MAGI2: variants seen among roughly 807,000 people sequenced by gnomAD.
MAGI2 encodes the protein membrane-associated guanylate kinase, WW and PDZ domain-containing protein 2.
A neutral mutation model predicts 133.3 loss-of-function variants in MAGI2; 35 were observed. That is an observed-to-expected ratio of 0.26 (90% CI 0.20 to 0.35). MAGI2 has a LOEUF of 0.35. Ranked by LOEUF, MAGI2 falls within the 10% of genes least tolerant of loss-of-function variation. The pLI, the probability that MAGI2 is intolerant of heterozygous loss-of-function variation, is 1.00. For synonymous variants in MAGI2, 729 were observed against 710.6 expected (o/e 1.03, Z -0.41); for missense variants, 1,636 against 1,863.4 (o/e 0.88, Z 2.25).
chr7:78,743,700 G>A (rs1480167282), intron 2 of MAGI2, among the ~76,000 whole-genome samples: 2 of 152,176 alleles, frequency 1.3e-5, no homozygotes, highest in Non-Finnish European at 2.9e-5. Context: ...TACAGGCATG[G>A]TCATGCACCA....
chr7:78,884,343 G>C (rs1796105413), intron 2 of MAGI2, among the ~76,000 whole-genome samples: 1 of 152,058 alleles, frequency 6.6e-6, no homozygotes, highest in Admixed American at 6.6e-5. Flanking sequence ...AATTAGCCAA[G>C]TGTGCTGGCA....
In MAGI2 at chr7:79,009,421, A is replaced by G. The variant is rs571209054; in HGVS notation, c.302-2215T>C. ...GTCATAAATTATAACAAAATTTCAC[A>G]TACAATCCCCTTTGTTTTGGAAGGA... On this transcript the variant is annotated intron_variant, in intron 1 of 21. Coordinates refer to ENST00000354212, the MANE Select transcript of MAGI2 (RefSeq NM_012301.4). 3.9e-5 allele frequency among the ~76,000 whole-genome samples: 6 copies of G among 152,236 alleles called. No individual in the cohort carries two copies. The South Asian group carries it at 1.0e-3, about 26-fold the overall frequency.
At chr7:78,843,615 A>G (rs1161944306) in intron 2 of MAGI2, among the ~76,000 whole-genome samples, 5 of 151,896 alleles carry the variant, frequency 3.3e-5, no homozygotes, top group African/African-American at 1.2e-4. Context: ...GGAAAATGCT[A>G]TATGCAATTT....
At chr7:78,153,929 T>C (rs1256780079) in intron 16 of MAGI2, among the ~76,000 whole-genome samples, 1 of 152,204 alleles carries the variant, frequency 6.6e-6, no homozygotes, top group East Asian at 1.9e-4. Context: ...CAATGTTCTT[T>C]TCATTTAGCT....
chr7:78,089,877 C>T (rs1051487440), intron 20 of MAGI2, among the ~76,000 whole-genome samples: 6 of 152,142 alleles, frequency 3.9e-5, no homozygotes, highest in African/African-American at 1.4e-4. Context: ...CCTCAAACAC[C>T]TCCCCTCCTG....
intron 1 of MAGI2, among the ~76,000 whole-genome samples, chr7:79,055,084 A>T (rs1321533062): frequency 6.6e-6 from 1 of 152,116 alleles, no homozygotes; most frequent in East Asian, 1.9e-4. Context: ...GTGAGCCACC[A>T]TGTCCGGCCT....
chr7:78,019,781 G>T lies in MAGI2; in HGVS notation c.3902C>A (p.Ser1301Ter). 1 of 1,613,062 alleles carries T rather than the reference G, an allele frequency of 6.2e-7. No individual in the cohort carries two copies. The change falls in exon 22 of 22, where the codon TCA becomes TAA. Residue 1301 changes from serine to a stop codon, truncating the protein, a stop_gained. Coordinates refer to ENST00000354212, the MANE Select transcript of MAGI2 (RefSeq NM_012301.4). LOFTEE classifies it high-confidence loss of function. Reference protein sequence around the residue: ...EHDVRKPKELSACGQKKQRLG... With the variant: ...EHDVRKPKEL Reference sequence around the variant, plus strand: ...GCGCTGCTTCTTCTGGCCGCAGGCTGAAAGCTCCTTTGGTTTCCTAACGTC... The same window carrying T: ...GCGCTGCTTCTTCTGGCCGCAGGCTTAAAGCTCCTTTGGTTTCCTAACGTC...
intron 3 of MAGI2, among the ~76,000 whole-genome samples, chr7:78,573,053 A>ATATATG (rs1801700411): frequency 3.0e-5 from 3 of 100,330 alleles, no homozygotes; most frequent in Non-Finnish European, 5.8e-5. Flanking sequence ...ATATATATAT[A>ATATATG]TATATATATA....
intron 1 of MAGI2, among the ~76,000 whole-genome samples, chr7:79,349,380 C>T (rs1164492282): frequency 6.6e-6 from 1 of 151,900 alleles, no homozygotes; most frequent in African/African-American, 2.4e-5. Flanking sequence ...TAACCCTGGA[C>T]AAGTATTCTA....
intron 2 of MAGI2, among the ~76,000 whole-genome samples, chr7:78,877,708 T>G (rs1189281552): frequency 1.3e-5 from 2 of 152,134 alleles, no homozygotes. Flanking sequence ...ATTAAAAAGT[T>G]TTAAAATGTA....
At chr7:79,082,486 C>G (rs1416083054) in intron 1 of MAGI2, among the ~76,000 whole-genome samples, 3 of 151,936 alleles carry the variant, frequency 2.0e-5, no homozygotes, top group Non-Finnish European at 2.9e-5. Context: ...TATTCATTTC[C>G]CCATTGAATT....
At chr7:78,215,065 C>T (rs544201158) in intron 10 of MAGI2, among the ~76,000 whole-genome samples, 11 of 152,142 alleles carry the variant, frequency 7.2e-5, no homozygotes, top group African/African-American at 1.9e-4. Context: ...AAGAGGATCA[C>T]GGATGTCATT....
chr7:79,101,462 G>T (rs560036314), intron 1 of MAGI2, among the ~76,000 whole-genome samples: 3 of 152,008 alleles, frequency 2.0e-5, no homozygotes, highest in Non-Finnish European at 4.4e-5. Flanking sequence ...CAGTGTCTCA[G>T]GCCTGTAATT....
chr7:78,337,698 T>A, intron 9 of MAGI2, among the ~76,000 whole-genome samples: 1 of 152,216 alleles, frequency 6.6e-6, no homozygotes. Flanking sequence ...AAAGTCATTA[T>A]AAAAAAGAAA....
chr7:79,329,697 G>A (rs1385916480), intron 1 of MAGI2, among the ~76,000 whole-genome samples: 1 of 152,166 alleles, frequency 6.6e-6, no homozygotes, highest in Non-Finnish European at 1.5e-5. Context: ...AATCCTCTGG[G>A]CTCCATGGAG....
At chr7:78,393,871 G>A (rs989967213) in intron 6 of MAGI2, among the ~76,000 whole-genome samples, 1 of 152,196 alleles carries the variant, frequency 6.6e-6, no homozygotes, top group African/African-American at 2.4e-5. Context: ...TGAATATAAT[G>A]TCTGTAAGTG....
chr7:78,877,660 T>C (rs1215736563), intron 2 of MAGI2, among the ~76,000 whole-genome samples: 3 of 152,304 alleles, frequency 2.0e-5, no homozygotes, highest in East Asian at 1.9e-4. Context: ...AGGAGGAGGA[T>C]GGTTGGCTGA....
chr7:79,296,802 T>C (rs1159399177), intron 1 of MAGI2, among the ~76,000 whole-genome samples: 1 of 152,200 alleles, frequency 6.6e-6, no homozygotes, highest in Non-Finnish European at 1.5e-5. Context: ...GAAGACATTC[T>C]GGTGTTCTAC....
intron 21 of MAGI2, among the ~76,000 whole-genome samples, chr7:78,032,982 T>C (rs2151065388): frequency 6.6e-6 from 1 of 152,180 alleles, no homozygotes; most frequent in East Asian, 1.9e-4. Context: ...TGGAAGCCAC[T>C]GGATGGTTTC....
Sources: allele counts gnomAD v4.1 joint callset (sites outside exome capture counted in the v4.1 genomes callset), GRCh38; gene constraint gnomAD v4.1.1; transcripts MANE v1.5; gene names NCBI Gene and HGNC (gene_info 2026-07-23, HGNC 2026-07-21).